Variants in WDHD1 observed in about 807,000 individuals in gnomAD.
WDHD1 encodes WD repeat and HMG-box DNA-binding protein 1.
Under a neutral mutation model 135.4 loss-of-function variants are expected in WDHD1, and 111 were observed. The ratio of observed to expected loss-of-function variants is 0.82; its 90% CI spans 0.70 to 0.96. WDHD1 has a LOEUF of 0.96. Among genes scored for constraint, WDHD1 ranks in the 40% least tolerant of loss-of-function variants. WDHD1 has a pLI of 0.00. For synonymous variants in WDHD1, 434 were observed against 439.0 expected, an observed-to-expected ratio of 0.99 and a Z score of 0.14; for missense variants, 1,351 against 1,336.3, an observed-to-expected ratio of 1.01 and a Z score of -0.17.
intron 2 of WDHD1, among the ~76,000 whole-genome samples, chr14:55,014,084 C>T (rs937649172): frequency 2.6e-5 from 4 of 152,086 alleles, no homozygotes; most frequent in Non-Finnish European, 2.9e-5. Context: ...GAGTTTAATA[C>T]TCTAGTTCTT....
intron 2 of WDHD1, among the ~76,000 whole-genome samples, chr14:55,025,807 T>C (rs538501606): frequency 2.2e-4 from 34 of 152,348 alleles, no homozygotes; most frequent in Admixed American, 9.8e-4. Context: ...CCTGGCCCCA[T>C]TGGGCCTTTA....
intron 15 of WDHD1, among the ~76,000 whole-genome samples, chr14:54,983,697 T>A (rs1212973004): frequency 2.0e-5 from 3 of 151,104 alleles, no homozygotes; most frequent in African/African-American, 4.9e-5. Context: ...AAAAAAATTT[T>A]AAATAGAGAT....
Position 55,026,964 on chromosome 14 carries a change from C to A in WDHD1, c.-17+64G>T. 4.7e-6 allele frequency: 3 copies of A among 641,164 alleles called. No individual in the cohort carries two copies. The South Asian group carries it at 5.5e-5, about 12-fold the overall frequency. The allele number at this position is 641,164 out of a possible 1,614,324, so 39.7% of individuals were successfully genotyped here. Reference sequence around the variant, plus strand: ...GGGATAAGGCAGAGGGTCTGTCAGACAATAAGCCGGAAAGGGAACACGCAT... The same window carrying A: ...GGGATAAGGCAGAGGGTCTGTCAGAAAATAAGCCGGAAAGGGAACACGCAT... On this transcript the variant is annotated intron_variant, in intron 1 of 25. Transcript: ENST00000360586.
At chr14:54,950,411 T>A (rs1472087048) in intron 24 of WDHD1, among the ~76,000 whole-genome samples, 1 of 151,990 alleles carries the variant, frequency 6.6e-6, no homozygotes, top group Non-Finnish European at 1.5e-5. Flanking sequence ...CATTACATAA[T>A]GGTAAAGGGA....
At chr14:54,943,343 C>T (rs963405204) in intron 25 of WDHD1, among the ~76,000 whole-genome samples, 5 of 152,136 alleles carry the variant, frequency 3.3e-5, no homozygotes, top group African/African-American at 1.2e-4. Flanking sequence ...AAAAATTCTG[C>T]TTGCAAGAAC....
chr14:54,981,520 G>C lies in WDHD1; in HGVS notation c.2063+20C>G. ...TACTTTTTAAAAAGAGTCAACTTTA[G>C]ACTTCTTTTAATAGCCCACCTTAGT... On this transcript the variant is annotated intron_variant, in intron 16 of 25. Coordinates refer to ENST00000360586, the MANE Select transcript of WDHD1 (RefSeq NM_007086.4). The C allele has an allele frequency of 6.2e-7, 1 of 1,605,778 alleles. No homozygotes were observed. The highest frequency in any genetic ancestry group is 8.5e-7 in the Non-Finnish European group (1 of 1,177,064).
At chr14:55,004,071 A>G (rs1411845549) in intron 7 of WDHD1, among the ~76,000 whole-genome samples, 1 of 152,168 alleles carries the variant, frequency 6.6e-6, no homozygotes, top group Non-Finnish European at 1.5e-5. Context: ...AATCTACTTT[A>G]TTAATTTTAT....
chr14:55,009,622 A>G (rs2042132237), intron 4 of WDHD1, among the ~76,000 whole-genome samples: 1 of 151,760 alleles, frequency 6.6e-6, no homozygotes, highest in Admixed American at 6.6e-5. Context: ...AATAGAGACG[A>G]GGTTTCACTG....
intron 7 of WDHD1, among the ~76,000 whole-genome samples, chr14:55,002,767 G>GT (rs1027579461): frequency 4.6e-5 from 7 of 151,696 alleles, no homozygotes; most frequent in Non-Finnish European, 7.4e-5. Context: ...TTTTTTTCCT[G>GT]TTTTTTTGTA....
At chr14:54,967,622 C>T (rs1328092659) in intron 16 of WDHD1, among the ~76,000 whole-genome samples, 1 of 152,100 alleles carries the variant, frequency 6.6e-6, no homozygotes, top group Admixed American at 6.6e-5. Context: ...TCACATCTCA[C>T]TTGATTTATT....
chr14:54,977,061 A>G (rs539771750), intron 16 of WDHD1, among the ~76,000 whole-genome samples: 55 of 152,050 alleles, frequency 3.6e-4, no homozygotes, highest in African/African-American at 1.2e-3. Context: ...CTTTGTTCCT[A>G]TATTTTAATA....
At chr14:54,957,684 C>CAGAAGTCATCTATT in intron 21 of WDHD1, 49 bp from the exon 22 acceptor site, 1 of 1,448,514 alleles carries the variant, frequency 6.9e-7, no homozygotes, top group Non-Finnish European at 9.5e-7. Flanking sequence ...AAATAGATGA[C>CAGAAGTCATCTATT]TTCTGACATC....
chr14:55,000,904 G>C lies in WDHD1; in HGVS notation c.782C>G (p.Thr261Ser), dbSNP rs1175183776. Residue 261 changes from threonine to serine, a missense_variant, in exon 9 of 26, where the codon ACC (threonine) becomes AGC (serine). Transcript: ENST00000360586. ...ATCATACCTTTCCATGCAGTCTTTG[G>C]TTTCCACATTCCAAACTATGATTAG... is the stretch of plus-strand genomic sequence containing the variant. ...NGLIIVWNVE[T>S]KDCMERVKHE... 6 of 1,581,424 alleles carry C rather than the reference G, an allele frequency of 3.8e-6. No individual in the cohort carries two copies. The highest frequency in any genetic ancestry group is 5.1e-6 in the Non-Finnish European group (6 of 1,165,714).
chr14:54,997,964 C>T (rs2041913336), intron 10 of WDHD1, among the ~76,000 whole-genome samples: 1 of 151,532 alleles, frequency 6.6e-6, no homozygotes, highest in African/African-American at 2.4e-5. Flanking sequence ...GTAACCCTAG[C>T]ACTTTGGGGG....
intron 10 of WDHD1, 136 bp downstream of exon 10, chr14:55,000,367 T>G (rs1003147213): frequency 1.1e-6 from 1 of 903,454 alleles, no homozygotes; most frequent in Non-Finnish European, 1.5e-6. Flanking sequence ...TTTCTTACTA[T>G]AGATTACTAC....
At chr14:54,984,923 A>G in intron 14 of WDHD1, 63 bp from the exon 15 acceptor site, 1 of 1,574,128 alleles carries the variant, frequency 6.4e-7, no homozygotes, top group Non-Finnish European at 8.6e-7. Flanking sequence ...CGCAGTCTAA[A>G]TTATTTTCTG....
rs71410642 is a variant in WDHD1, at chr14:54,972,553, C to CAAAA, written c.2064-5163_2064-5160dup. On this transcript the variant is annotated intron_variant, in intron 16 of 25. Coordinates refer to ENST00000360586, the MANE Select transcript of WDHD1 (RefSeq NM_007086.4). ...CCTGGGCAATAAAGCAAGACTGTCA[C>CAAAA]AAAAAAAAAAAAAAAAAAAAAAAAA... Among the ~76,000 whole-genome samples the CAAAA allele has an allele frequency of 1.4e-3, 36 of 25,498 alleles. 7 individuals carry two copies. Among genetic ancestry groups the CAAAA allele is most frequent in the East Asian group, 0.012 (12 of 966 alleles). The allele number at this position is 25,498 out of a possible 152,430, so 16.7% of individuals were successfully genotyped here. A position where few individuals can be genotyped will look rare whatever the true frequency, so the allele number is the denominator to read the frequency against.
In WDHD1 at chr14:54,967,368, A is replaced by G. The variant is rs147328486; in HGVS notation, c.2090T>C (p.Phe697Ser). 9 of 1,611,226 alleles carry G rather than the reference A, an allele frequency of 5.6e-6. 1 individual carries two copies. The African/African-American group carries it at 1.2e-4, about 22-fold the overall frequency. ...AGCAGGGCGTGGAAGGGTTGGGGGA[A>G]ACCGAGAACCTTTACAAGGAATGCA... is the stretch of plus-strand genomic sequence containing the variant. Reference protein sequence around the residue: ...LRCIPCKGSRFPPTLPRPAVA... With the variant: ...LRCIPCKGSRSPPTLPRPAVA... The change falls in exon 17 of 26, where the codon TTT becomes TCT. Residue 697 changes from phenylalanine to serine, a missense_variant. Coordinates refer to ENST00000360586, the MANE Select transcript of WDHD1 (RefSeq NM_007086.4).
intron 7 of WDHD1, among the ~76,000 whole-genome samples, chr14:55,006,306 TAA>T (rs1332681743): frequency 1.3e-5 from 2 of 152,226 alleles, no homozygotes; most frequent in Admixed American, 1.3e-4. Flanking sequence ...GGTAGCATGT[TAA>T]AAGTTTCTTT....
Sources: allele counts gnomAD v4.1 joint callset (sites outside exome capture counted in the v4.1 genomes callset), GRCh38; gene constraint gnomAD v4.1.1; transcripts MANE v1.5; gene names NCBI Gene and HGNC (gene_info 2026-07-23, HGNC 2026-07-21).